RAB3B: variants seen among roughly 807,000 people sequenced by gnomAD.
The protein encoded by RAB3B is RAB3B, member RAS oncogene family.
In RAB3B, 11 loss-of-function variants were observed where a neutral mutation model predicts 20.5. The observed-to-expected ratio is 0.54, with a 90% CI of 0.34 to 0.89. The LOEUF is 0.89. Among genes scored for constraint, RAB3B ranks in the 40% least tolerant of loss-of-function variants. The pLI is 0.02. For synonymous variants in RAB3B, 99 were observed against 106.3 expected, an observed-to-expected ratio of 0.93 and a Z score of 0.42; for missense variants, 225 against 280.9, an observed-to-expected ratio of 0.80 and a Z score of 1.42.
At chr1:51,929,702 C>T (rs1684296993) in intron 4 of RAB3B, among the ~76,000 whole-genome samples, 1 of 152,166 alleles carries the variant, frequency 6.6e-6, no homozygotes, top group African/African-American at 2.4e-5. Context: ...GAACTTATCA[C>T]AATTTTAACA....
chr1:51,935,948 C>T (rs554316093), intron 3 of RAB3B, among the ~76,000 whole-genome samples: 1 of 152,278 alleles, frequency 6.6e-6, no homozygotes, highest in South Asian at 2.1e-4. Flanking sequence ...GCTGATGACA[C>T]CCTGAACTGC....
chr1:51,975,132 T>C (rs1571978765), intron 2 of RAB3B, among the ~76,000 whole-genome samples: 1 of 152,318 alleles, frequency 6.6e-6, no homozygotes, highest in South Asian at 2.1e-4. Flanking sequence ...CAGAATCGAT[T>C]GAACCCAAGA....
intron 2 of RAB3B, among the ~76,000 whole-genome samples, chr1:51,942,594 G>A (rs539578280): frequency 6.6e-6 from 1 of 152,262 alleles, no homozygotes; most frequent in East Asian, 1.9e-4. Flanking sequence ...CTTCTAAAAT[G>A]TCTCCTGATA....
In RAB3B at chr1:51,987,430, T is replaced by C. The variant is rs150594255; in HGVS notation, c.-1+3122A>G. On this transcript the variant is annotated intron_variant, in intron 1 of 4. Transcript: ENST00000371655. ...ATAAAATGGCTTCCTGGCAAAACTG[T>C]TGCAAGAATTAAAACCTGTATATGG... Among the ~76,000 whole-genome samples, 31 of 152,300 alleles carry C rather than the reference T, an allele frequency of 2.0e-4. No individual in the cohort carries two copies. In the East Asian group the frequency reaches 5.6e-3, roughly 27 times the overall value.
chr1:51,989,208 TTGTGTGTGTGTGTGTGTGTGTGTG>T (rs60661761), intron 1 of RAB3B, among the ~76,000 whole-genome samples: 3 of 99,868 alleles, frequency 3.0e-5, no homozygotes, highest in East Asian at 3.2e-4. Flanking sequence ...CCATCTTGTT[TTGTGTGTGTGTGTGTGTGTGTGTG>T]TGTGTGTGTG....
intron 1 of RAB3B, among the ~76,000 whole-genome samples, chr1:51,985,970 G>A (rs546485228): frequency 2.0e-5 from 3 of 152,136 alleles, no homozygotes; most frequent in South Asian, 2.1e-4. Flanking sequence ...CAGGTTTGAC[G>A]GGATTAAGGA....
In RAB3B at chr1:51,990,658, A is replaced by G. The variant is rs1685212459; in HGVS notation, c.-107T>C. On this transcript the variant is annotated 5_prime_UTR_variant, in exon 1 of 5. Transcript: ENST00000371655. ...GGGGGCCGGGGCGGGGCGCTGCGGG[A>G]TGGTCTGGTCCGGTCAGGTCCTCAC... The G allele has an allele frequency of 6.7e-6, 1 of 149,706 alleles. No homozygotes were observed. The allele number at this position is 149,706 out of a possible 1,614,324, so 9.3% of individuals were successfully genotyped here.
Position 51,919,669 on chromosome 1 carries a change from G to A in RAB3B, c.*258C>T, listed in dbSNP as rs538187538. The A allele has an allele frequency of 4.1e-5, 15 of 366,514 alleles. No individual in the cohort carries two copies. Among genetic ancestry groups the A allele is most frequent in the South Asian group, 1.0e-4 (1 of 9,774 alleles). 22.7% of individuals were successfully genotyped at this position (366,514 alleles called of 1,614,324 possible). A position where few individuals can be genotyped will look rare whatever the true frequency, so the allele number is the denominator to read the frequency against. ...TAAGTCCCTGTAGTGAATCCCCTTC[G>A]TAAAACAGAGTCTTCTTTTGTAAAG... is the stretch of plus-strand genomic sequence containing the variant. On this transcript the variant is annotated 3_prime_UTR_variant, in exon 5 of 5. Coordinates refer to ENST00000371655, the MANE Select transcript of RAB3B (RefSeq NM_002867.4).
intron 4 of RAB3B, among the ~76,000 whole-genome samples, chr1:51,922,878 G>A (rs981837618): frequency 9.3e-4 from 141 of 152,016 alleles, no homozygotes; most frequent in African/African-American, 3.1e-3. Context: ...TGTATTTGTA[G>A]TAGAGACAGG....
At chr1:51,934,775 C>CAA (rs34750673) in intron 3 of RAB3B, among the ~76,000 whole-genome samples, 3,410 of 69,224 alleles carry the variant, frequency 0.049, 143 homozygotes, top group Non-Finnish European at 0.067. Context: ...GACTCCATCT[C>CAA]AAAAAAAAAA....
chr1:51,938,761 C>T (rs1684448886), intron 2 of RAB3B, among the ~76,000 whole-genome samples: 1 of 151,524 alleles, frequency 6.6e-6, no homozygotes, highest in Admixed American at 6.6e-5. Context: ...CTGCAATCTC[C>T]ACCCCCTGGG....
At chr1:51,989,835 C>T (rs954587291) in intron 1 of RAB3B, among the ~76,000 whole-genome samples, 2 of 151,342 alleles carry the variant, frequency 1.3e-5, no homozygotes, top group Non-Finnish European at 3.0e-5. Context: ...ACAGTTACCC[C>T]CACGCCGGTC....
chr1:51,990,032 A>C (rs1341527109), intron 1 of RAB3B, among the ~76,000 whole-genome samples: 3 of 72,444 alleles, frequency 4.1e-5, no homozygotes, highest in African/African-American at 1.7e-4. Flanking sequence ...TCGGCACCTC[A>C]GTCCCCTCCA....
rs1684099798 is a variant in RAB3B at position 51,917,304 on chromosome 1, G to T, written c.*2623C>A. On this transcript the variant is annotated 3_prime_UTR_variant, in exon 5 of 5. Coordinates refer to ENST00000371655, the MANE Select transcript of RAB3B (RefSeq NM_002867.4). ...GTTTGTTTGGTGGATCAACTGAAAT[G>T]GTGAAGGTGAAAAAAAAGAGACACC... is the stretch of plus-strand genomic sequence containing the variant. 6.6e-6 allele frequency: 1 copy of T among 152,000 alleles called. No homozygotes were observed. The highest frequency in any genetic ancestry group is 1.5e-5 in the Non-Finnish European group (1 of 68,000). The allele number at this position is 152,000 out of a possible 1,614,324, so 9.4% of individuals were successfully genotyped here. A position where few individuals can be genotyped will look rare whatever the true frequency, so the allele number is the denominator to read the frequency against.
At chr1:51,947,914 C>A (rs1684586619) in intron 2 of RAB3B, among the ~76,000 whole-genome samples, 1 of 152,122 alleles carries the variant, frequency 6.6e-6, no homozygotes, top group Non-Finnish European at 1.5e-5. Flanking sequence ...AGCAGCCATT[C>A]CACTGATGGA....
chr1:51,926,891 C>T (rs1684252216), intron 4 of RAB3B, among the ~76,000 whole-genome samples: 1 of 152,188 alleles, frequency 6.6e-6, no homozygotes, highest in South Asian at 2.1e-4. Context: ...CTGGACTCAG[C>T]TTCTTCATCA....
intron 2 of RAB3B, among the ~76,000 whole-genome samples, chr1:51,940,208 A>C (rs984150163): frequency 2.0e-5 from 3 of 152,218 alleles, no homozygotes; most frequent in South Asian, 2.1e-4. Context: ...AACATAGAAC[A>C]ACCACCACCC....
At chr1:51,944,140 C>G (rs1013648525) in intron 2 of RAB3B, among the ~76,000 whole-genome samples, 6 of 152,126 alleles carry the variant, frequency 3.9e-5, no homozygotes, top group African/African-American at 1.4e-4. Context: ...GCTAACTGAC[C>G]ATTCTGAAAA....
At position 51,909,667 on chromosome 1, in the gene RAB3B, T is replaced by C. The variant is rs1194830490; in HGVS notation, c.*10260A>G. On this transcript the variant is annotated 3_prime_UTR_variant, in exon 5 of 5. Transcript: ENST00000371655. The stretch of plus-strand genomic sequence containing the variant: ...ACTTTAACCCAGCCCAACAAGGTCA[T>C]GCTACAGAGCTGCTCATGGCATTTT... 1 of 152,290 alleles carries C rather than the reference T, an allele frequency of 6.6e-6. No homozygotes were observed. The highest frequency in any genetic ancestry group is 2.4e-5 in the African/African-American group (1 of 41,462). The allele number at this position is 152,290 out of a possible 1,614,324, so 9.4% of individuals were successfully genotyped here. A position where few individuals can be genotyped will look rare whatever the true frequency, so the allele number is the denominator to read the frequency against.
Sources: allele counts gnomAD v4.1 joint callset (sites outside exome capture counted in the v4.1 genomes callset), GRCh38; gene constraint gnomAD v4.1.1; transcripts MANE v1.5; gene names NCBI Gene and HGNC (gene_info 2026-07-23, HGNC 2026-07-21).